RBM4: variants seen among roughly 807,000 people sequenced by gnomAD.
RBM4 encodes the protein RNA-binding protein 4.
A neutral mutation model predicts 29.5 loss-of-function variants in RBM4; 7 were observed. The ratio of observed to expected loss-of-function variants is 0.24; its 90% CI spans 0.14 to 0.45. The LOEUF is 0.45. RBM4 is among the 20% of genes least tolerant of loss of function. RBM4 has a pLI of 1.00. For synonymous variants in RBM4, 220 were observed against 205.4 expected (o/e 1.07, Z -0.61); for missense variants, 387 against 502.3 (o/e 0.77, Z 2.19).
At chr11:66,646,914 A>G (rs1327722136), downstream of RBM4, among the ~76,000 whole-genome samples, 2 of 152,186 alleles carry the variant, frequency 1.3e-5, no homozygotes. Context: ...TACTTTGCTA[A>G]CTAGGCCAGT....
intron 2 of RBM4, among the ~76,000 whole-genome samples, chr11:66,653,486 C>T (rs187290778): frequency 1.3e-4 from 20 of 151,890 alleles, no homozygotes; most frequent in African/African-American, 2.4e-4. Context: ...CTCAGCCTTC[C>T]GAGTAGCTGG....
downstream of RBM4, chr11:66,649,654 A>G: frequency 1.5e-6 from 1 of 672,286 alleles, no homozygotes; most frequent in East Asian, 2.7e-5. Context: ...GAAGCCACAT[A>G]GTTGGCTCTG....
intron 1 of RBM4, chr11:66,639,127 T>A (rs1336467208): frequency 6.6e-6 from 1 of 152,512 alleles, no homozygotes; most frequent in Non-Finnish European, 1.5e-5. Flanking sequence ...ATTTCAGTGT[T>A]CGGCAGGAGC....
chr11:66,649,789 G>C, downstream of RBM4: 1 of 701,286 alleles, frequency 1.4e-6, no homozygotes, highest in Non-Finnish European at 2.6e-6. Context: ...GTAGCTCACT[G>C]TAACTTTGAA....
In RBM4 at chr11:66,643,230, CT is replaced by C. The variant is rs753853735; in HGVS notation, c.413-219del. 6.6e-6 allele frequency among the ~76,000 whole-genome samples: 1 copy of C among 151,418 alleles called. No individual in the cohort carries two copies. The highest frequency in any genetic ancestry group is 1.5e-5 in the Non-Finnish European group (1 of 67,972). On this transcript the variant is annotated intron_variant, in intron 2 of 3. Transcript: ENST00000310092. This position sits in a 1 kb window ranked among gnomAD's most constrained non-coding sequence, Gnocchi z 6.1. ...TTAAGCATTTAAACTGTTGTTATAGCTGAAATATTTCTTCATCTAAGTGGTC... is the reference window on the plus strand; with the variant it reads ...TTAAGCATTTAAACTGTTGTTATAGCGAAATATTTCTTCATCTAAGTGGTC...
At chr11:66,649,835 C>T (rs75207479), downstream of RBM4, 2,025 of 688,324 alleles carry the variant, frequency 2.9e-3, 35 homozygotes, top group African/African-American at 0.03. Flanking sequence ...CCTTGGCCTC[C>T]CAGAGTTTTT....
intron 2 of RBM4, among the ~76,000 whole-genome samples, chr11:66,661,844 A>G (rs1939088538): frequency 6.6e-6 from 1 of 152,178 alleles, no homozygotes; most frequent in African/African-American, 2.4e-5. Flanking sequence ...AGCCTGACCA[A>G]TATGGTGAAA....
At chr11:66,641,174 A>G (rs575462683) in intron 2 of RBM4, 1 of 152,266 alleles carries the variant, frequency 6.6e-6, no homozygotes, top group South Asian at 2.1e-4. Context: ...AAAAAATAAA[A>G]AAAGCCTTAT....
chr11:66,665,500 C>T, intron 2 of RBM4: 3 of 1,083,248 alleles, frequency 2.8e-6, no homozygotes, highest in Non-Finnish European at 4.1e-6. Flanking sequence ...GCAATGGAAA[C>T]ATCCCGGCAA....
chr11:66,652,927 G>A (rs537026284), intron 2 of RBM4, among the ~76,000 whole-genome samples: 3 of 152,278 alleles, frequency 2.0e-5, no homozygotes, highest in South Asian at 2.1e-4. Context: ...GAGAAAGTAC[G>A]TAGCTAGTGA....
At chr11:66,652,923 GT>G (rs1269944888) in intron 2 of RBM4, among the ~76,000 whole-genome samples, 1 of 152,168 alleles carries the variant, frequency 6.6e-6, no homozygotes, top group Non-Finnish European at 1.5e-5. Context: ...AAAGGAGAAA[GT>G]ACGTAGCTAG....
At chr11:66,648,891 C>T (rs1466110800), downstream of RBM4, among the ~76,000 whole-genome samples, 1 of 151,128 alleles carries the variant, frequency 6.6e-6, no homozygotes, top group Non-Finnish European at 1.5e-5. Flanking sequence ...ATCCTGATCT[C>T]CCTGTAACAG....
At chr11:66,654,667 C>T (rs1358148978) in intron 2 of RBM4, among the ~76,000 whole-genome samples, 3 of 134,506 alleles carry the variant, frequency 2.2e-5, no homozygotes, top group Non-Finnish European at 4.8e-5. Context: ...ACGCCCAGCT[C>T]AGTTTTGATT....
At chr11:66,665,447 A>C (rs755176171) in intron 2 of RBM4, 18 of 733,206 alleles carry the variant, frequency 2.5e-5, no homozygotes, top group Non-Finnish European at 4.0e-5. Context: ...TAAGAAAGAA[A>C]ACATAGTTGG....
At position 66,646,121 on chromosome 11, in the gene RBM4, C is replaced by T. The variant is rs1281155531; in HGVS notation, c.*103C>T. 9.8e-6 allele frequency: 15 copies of T among 1,534,476 alleles called. No homozygotes were observed. The highest frequency in any genetic ancestry group is 5.5e-5 in the African/African-American group (4 of 73,116). Reference sequence around the variant, plus strand: ...TCTCCGGGACGTTCTCGGCTCTGTGCGTTCAGTCCCTCAGGAACCGTGGAC... The same window carrying T: ...TCTCCGGGACGTTCTCGGCTCTGTGTGTTCAGTCCCTCAGGAACCGTGGAC... On this transcript the variant is annotated 3_prime_UTR_variant, in exon 4 of 4. Coordinates refer to ENST00000310092, the MANE Select transcript of RBM4 (RefSeq NM_002896.4).
chr11:66,666,332 C>T (rs1181371637), exon 3 of RBM4: 4 of 1,019,374 alleles, frequency 3.9e-6, no homozygotes, highest in African/African-American at 1.7e-5. Flanking sequence ...CTGTGCCAAT[C>T]GACTTCAAAA....
At position 66,657,621 on chromosome 11, in the gene RBM4, T is replaced by C. The variant is rs12805808; in HGVS notation, c.413-8235T>C. On this transcript the variant is annotated intron_variant, in intron 2 of 2. Transcript: ENST00000396053. ...TCACTTGAACCCGGGAGGTGGAGGG[T>C]GCAGTGAGATGAGATAGCGCCACTG... is the stretch of plus-strand genomic sequence containing the variant. Among the ~76,000 whole-genome samples the C allele has an allele frequency of 3.1e-5, 4 of 130,618 alleles. No individual in the cohort carries two copies. The East Asian group carries it at 9.3e-4, about 30-fold the overall frequency. The allele number at this position is 130,618 out of a possible 152,430, so 85.7% of individuals were successfully genotyped here. A position where few individuals can be genotyped will look rare whatever the true frequency, so the allele number is the denominator to read the frequency against.
At chr11:66,645,418 A>G (rs886695560) in intron 3 of RBM4, among the ~76,000 whole-genome samples, 1 of 152,190 alleles carries the variant, frequency 6.6e-6, no homozygotes, top group Non-Finnish European at 1.5e-5. Flanking sequence ...TGGCTTTCCC[A>G]GGGTCATTGG....
At position 66,646,238 on chromosome 11, in the gene RBM4, C is replaced by T. The variant is rs1003904422; in HGVS notation, c.*220C>T. ...CCTGTTCTTCTGTCCTTCAATACTT[C>T]TGTAGCTTCCCATTCATGTTCTCTT... On this transcript the variant is annotated 3_prime_UTR_variant, in exon 4 of 4. Coordinates refer to ENST00000310092, the MANE Select transcript of RBM4 (RefSeq NM_002896.4). 2.1e-6 allele frequency: 3 copies of T among 1,427,068 alleles called. No individual in the cohort carries two copies. The highest frequency in any genetic ancestry group is 2.7e-6 in the Non-Finnish European group (3 of 1,091,314). The allele number at this position is 1,427,068 out of a possible 1,614,324, so 88.4% of individuals were successfully genotyped here.
Sources: allele counts gnomAD v4.1 joint callset (sites outside exome capture counted in the v4.1 genomes callset), GRCh38; gene constraint gnomAD v4.1.1; non-coding constraint Gnocchi (gnomAD v3.1); transcripts MANE v1.5; gene names NCBI Gene and HGNC (gene_info 2026-07-23, HGNC 2026-07-21).